Variants in DNM3 observed in about 807,000 individuals in gnomAD.
The protein encoded by DNM3 is dynamin 3.
A neutral mutation model predicts 101.6 loss-of-function variants in DNM3; 47 were observed. The ratio of observed to expected loss-of-function variants is 0.46; its 90% CI spans 0.37 to 0.59. The LOEUF (loss-of-function observed/expected upper bound fraction) is 0.59, where lower values mean the gene tolerates loss of function less well. Among genes scored for constraint, DNM3 ranks in the 20% least tolerant of loss-of-function variants. The probability of loss-of-function intolerance (pLI) is 0.00; values close to 1 mark genes in which losing one functional copy is unlikely to be tolerated. For missense variants in DNM3, 849 were observed against 1,085.7 expected (o/e 0.78, Z 3.06); for synonymous variants, 385 against 387.9 (o/e 0.99, Z 0.09).
At chr1:171,844,300 C>T (rs143452301) in intron 1 of DNM3, among the ~76,000 whole-genome samples, 31 of 152,244 alleles carry the variant, frequency 2.0e-4, no homozygotes, top group Admixed American at 8.5e-4. Flanking sequence ...CTCTTTTACA[C>T]GAAACAGTTT....
At chr1:172,173,251 C>A (rs1246613047) in intron 14 of DNM3, among the ~76,000 whole-genome samples, 1 of 151,620 alleles carries the variant, frequency 6.6e-6, no homozygotes, top group African/African-American at 2.4e-5. Context: ...AATTGATGAG[C>A]AGTTGCTAAG....
chr1:171,892,460 A>G (rs924575454), intron 1 of DNM3, among the ~76,000 whole-genome samples: 1 of 152,272 alleles, frequency 6.6e-6, no homozygotes, highest in South Asian at 2.1e-4. Flanking sequence ...ATATTTCTGT[A>G]TGTAATCATC....
At chr1:172,305,831 AG>A in intron 15 of DNM3, among the ~76,000 whole-genome samples, 1 of 152,360 alleles carries the variant, frequency 6.6e-6, no homozygotes, top group Admixed American at 6.5e-5. Flanking sequence ...TAAATTCAAC[AG>A]CCTTCACACT....
chr1:172,274,190 T>G (rs1463070953), intron 15 of DNM3, among the ~76,000 whole-genome samples: 1 of 151,964 alleles, frequency 6.6e-6, no homozygotes, highest in African/African-American at 2.4e-5. Flanking sequence ...AACCCCAATA[T>G]AAAAACCGAA....
intron 4 of DNM3, among the ~76,000 whole-genome samples, chr1:172,016,384 A>AT (rs142644735): frequency 0.16 from 24,352 of 151,898 alleles, 2,556 homozygotes; most frequent in Non-Finnish European, 0.23. Flanking sequence ...GGATCATGTG[A>AT]TTTTTTCCCC....
rs113522261 is a variant in DNM3, at chr1:171,983,683, A to T, written c.236-3973A>T. Among the ~76,000 whole-genome samples, 1,483 of 152,184 alleles carry T rather than the reference A, an allele frequency of 9.7e-3. 23 individuals are homozygous for T. Among genetic ancestry groups the T allele is most frequent in the African/African-American group, 0.034 (1,398 of 41,514 alleles). On this transcript the variant is annotated intron_variant, in intron 2 of 20. Transcript: ENST00000627582. ...TACCAAATATATATCTCTCACTTGGACTTCTCCATGAACAAAAGATGCATA... is the reference window on the plus strand; with the variant it reads ...TACCAAATATATATCTCTCACTTGGTCTTCTCCATGAACAAAAGATGCATA...
Position 172,324,914 on chromosome 1 carries a change from A to T in DNM3, c.1893+1574A>T, listed in dbSNP as rs971718795. On this transcript the variant is annotated intron_variant, in intron 17 of 20. Coordinates refer to ENST00000627582, the MANE Select transcript of DNM3 (RefSeq NM_015569.5). ...AGCCTGTGCATGCTGAAGACCAGGG[A>T]GCCAGCTGCTGACATTTTGGGGGAG... Among the ~76,000 whole-genome samples, 6 of 152,106 alleles carry T rather than the reference A, an allele frequency of 3.9e-5. No individual in the cohort carries two copies. The East Asian group carries it at 1.2e-3, about 29-fold the overall frequency.
intron 15 of DNM3, among the ~76,000 whole-genome samples, chr1:172,272,381 TA>T (rs1330582151): frequency 1.3e-5 from 2 of 152,180 alleles, no homozygotes; most frequent in Admixed American, 1.3e-4. Context: ...TTGCTTTTTT[TA>T]AAACTGTGAT....
chr1:172,044,596 G>T, intron 9 of DNM3, 144 bp downstream of exon 9: 1 of 690,140 alleles, frequency 1.4e-6, no homozygotes, highest in Non-Finnish European at 2.4e-6. Context: ...TCCTACTTTG[G>T]GGTTTAATGG....
chr1:172,335,711 G>A (rs2066390503), intron 17 of DNM3, among the ~76,000 whole-genome samples: 1 of 152,108 alleles, frequency 6.6e-6, no homozygotes. Context: ...AATACCACAT[G>A]TTCTCACTTA....
rs140772633 is a variant in DNM3 at position 172,250,492 on chromosome 1, G to C, written c.1660-3081G>C. Among the ~76,000 whole-genome samples, 468 of 152,144 alleles carry C rather than the reference G, an allele frequency of 3.1e-3. 3 individuals are homozygous for C. The highest frequency in any genetic ancestry group is 0.011 in the African/African-American group (437 of 41,522). ...AGTTCTGAAGGATTGCAATGAATTT[G>C]ACAAAATCGTTTTCAAAAATCATCT... On this transcript the variant is annotated intron_variant, in intron 14 of 20. Coordinates refer to ENST00000627582, the MANE Select transcript of DNM3 (RefSeq NM_015569.5).
intron 14 of DNM3, among the ~76,000 whole-genome samples, chr1:172,157,012 C>T (rs1188647749): frequency 1.3e-5 from 2 of 152,028 alleles, no homozygotes; most frequent in African/African-American, 2.4e-5. Context: ...ACAATTTTTC[C>T]ACAGATCAGG....
At chr1:172,258,142 TCCACTGTGTAAATATA>T (rs2062493264) in intron 15 of DNM3, among the ~76,000 whole-genome samples, 1 of 152,130 alleles carries the variant, frequency 6.6e-6, no homozygotes, top group Non-Finnish European at 1.5e-5. Flanking sequence ...CAGATAGTAT[TCCACTGTGTAAATATA>T]CCACCTTTTC....
chr1:172,408,773 C>T lies in DNM3; in HGVS notation c.*932C>T. The T allele has an allele frequency of 1.0e-6, 1 of 985,214 alleles. No homozygotes were observed. 61.0% of individuals were successfully genotyped at this position (985,214 alleles called of 1,614,324 possible). ...GGAAAAAAAATTCACTCTTTACGTG[C>T]TAATTTGTAATCTTGTTTTGTAAGA... On this transcript the variant is annotated 3_prime_UTR_variant, in exon 21 of 21. Coordinates refer to ENST00000627582, the MANE Select transcript of DNM3 (RefSeq NM_015569.5).
chr1:171,933,406 A>G (rs180897342), intron 2 of DNM3, among the ~76,000 whole-genome samples: 1 of 152,344 alleles, frequency 6.6e-6, no homozygotes, highest in East Asian at 1.9e-4. Flanking sequence ...ACTAGGTGCC[A>G]GGCAAATATT....
At chr1:172,162,818 T>C (rs868276517) in intron 14 of DNM3, among the ~76,000 whole-genome samples, 33 of 152,242 alleles carry the variant, frequency 2.2e-4, no homozygotes, top group African/African-American at 7.7e-4. Context: ...AGTATTACTC[T>C]TTTCTTTGTT....
rs143783872 is a variant in DNM3, at chr1:171,963,444, T to C, written c.236-24212T>C. Among the ~76,000 whole-genome samples, 323 of 152,234 alleles carry C rather than the reference T, an allele frequency of 2.1e-3. 2 individuals are homozygous for C. Among genetic ancestry groups the C allele is most frequent in the African/African-American group, 7.3e-3 (304 of 41,558 alleles). On this transcript the variant is annotated intron_variant, in intron 2 of 20. Transcript: ENST00000627582. ...TGAAAATACTCTGTATGATACTATA[T>C]GGTGGATACAACATTTGTCAAAACC...
chr1:171,936,367 G>A (rs977185360), intron 2 of DNM3, among the ~76,000 whole-genome samples: 44 of 151,804 alleles, frequency 2.9e-4, no homozygotes, highest in African/African-American at 1.0e-3. Context: ...AGAAAAGAAA[G>A]AAAGAAAGTT....
intron 14 of DNM3, among the ~76,000 whole-genome samples, chr1:172,226,580 G>T (rs1616815): frequency 0.011 from 1,600 of 152,220 alleles, 18 homozygotes; most frequent in African/African-American, 0.036. Context: ...AGTGTAAGTC[G>T]CTCTGTGCCC....
Sources: gnomAD v4.1 joint callset for allele counts (sites outside exome capture counted in the v4.1 genomes callset) on GRCh38, gnomAD v4.1.1 for gene constraint, MANE v1.5 for transcripts, NCBI Gene and HGNC (gene_info 2026-07-23, HGNC 2026-07-21) for gene names.